The following PHACTR1 variants were observed in gnomAD, a reference collection of about 807,000 sequenced individuals.
PHACTR1 encodes the protein phosphatase and actin regulator 1, also known as RPEL repeat containing 1.
Under a neutral mutation model 69.2 loss-of-function variants are expected in PHACTR1, and 16 were observed. The ratio of observed to expected loss-of-function variants is 0.23; its 90% CI spans 0.16 to 0.35. The LOEUF (loss-of-function observed/expected upper bound fraction) is 0.35, where lower values mean the gene tolerates loss of function less well. PHACTR1 is among the 10% of genes least tolerant of loss of function. PHACTR1 has a pLI of 1.00. For synonymous variants in PHACTR1, 312 were observed against 284.5 expected, an observed-to-expected ratio of 1.10 and a Z score of -0.97; for missense variants, 510 against 734.7, an observed-to-expected ratio of 0.69 and a Z score of 3.54.
At chr6:12,830,182 T>G (rs1777376944) in intron 4 of PHACTR1, among the ~76,000 whole-genome samples, 1 of 141,610 alleles carries the variant, frequency 7.1e-6, no homozygotes, top group African/African-American at 2.7e-5. Context: ...CTGAAGACAC[T>G]CCATGTATTT....
intron 5 of PHACTR1, among the ~76,000 whole-genome samples, chr6:13,077,453 G>T (rs1440148886): frequency 1.3e-5 from 2 of 152,168 alleles, no homozygotes; most frequent in South Asian, 2.1e-4. Flanking sequence ...TAGGGGAGAG[G>T]ATATTCAGAC....
At chr6:13,121,083 G>A (rs1054606307) in intron 5 of PHACTR1, among the ~76,000 whole-genome samples, 1 of 152,216 alleles carries the variant, frequency 6.6e-6, no homozygotes, top group Non-Finnish European at 1.5e-5. Flanking sequence ...ACCATGTGGA[G>A]GGAGTGATGT....
At chr6:12,925,807 C>G (rs965851250) in intron 4 of PHACTR1, among the ~76,000 whole-genome samples, 1 of 152,056 alleles carries the variant, frequency 6.6e-6, no homozygotes, top group Non-Finnish European at 1.5e-5. Context: ...TTCTCTGCTC[C>G]CCCAAAAGCA....
At position 13,133,984 on chromosome 6, in the gene PHACTR1, G is replaced by A. The variant is rs536097823; in HGVS notation, c.416-26220G>A. ...ATGTGAGGAGCGCCTCTGCCCGGCCGCGACTCCGTCTGGGAACTGAAGAGT... is the reference window on the plus strand; with the variant it reads ...ATGTGAGGAGCGCCTCTGCCCGGCCACGACTCCGTCTGGGAACTGAAGAGT... On this transcript the variant is annotated intron_variant, in intron 5 of 14. Transcript: ENST00000332995. 3.3e-5 allele frequency among the ~76,000 whole-genome samples: 5 copies of A among 151,570 alleles called. No homozygotes were observed. The South Asian group carries it at 6.3e-4, about 19-fold the overall frequency.
chr6:12,893,756 CT>C (rs1401939663), intron 4 of PHACTR1, among the ~76,000 whole-genome samples: 6 of 152,228 alleles, frequency 3.9e-5, no homozygotes, highest in African/African-American at 1.4e-4. Context: ...CTACTTCTCC[CT>C]CAGGGACAAG....
At chr6:12,873,276 C>T (rs1261329936) in intron 4 of PHACTR1, among the ~76,000 whole-genome samples, 1 of 152,092 alleles carries the variant, frequency 6.6e-6, no homozygotes, top group Non-Finnish European at 1.5e-5. Context: ...ATTAGCCTCC[C>T]AAAGTGCTGG....
rs999831471 is a variant in PHACTR1 at position 13,283,305 on chromosome 6, C to A, written c.1510-117C>A. The A allele has an allele frequency of 4.8e-6, 4 of 838,842 alleles. No individual in the cohort carries two copies. The highest frequency in any genetic ancestry group is 4.4e-5 in the South Asian group (3 of 68,030). The allele number at this position is 838,842 out of a possible 1,614,324, so 52.0% of individuals were successfully genotyped here. A position where few individuals can be genotyped will look rare whatever the true frequency, so the allele number is the denominator to read the frequency against. Reference sequence around the variant, plus strand: ...CTGCCCCTGCCCCTCACTCACTATGCGATGCATCCATCGCCTCACTGAACC... The same window carrying A: ...CTGCCCCTGCCCCTCACTCACTATGAGATGCATCCATCGCCTCACTGAACC... On this transcript the variant is annotated intron_variant, in intron 12 of 14. Coordinates refer to ENST00000332995, the MANE Select transcript of PHACTR1 (RefSeq NM_030948.6). The surrounding 1 kb of genome is among the most constrained non-coding windows in gnomAD (Gnocchi z 4.7).
In PHACTR1 at chr6:13,283,009, T is replaced by C. The variant is rs992644698; in HGVS notation, c.1510-413T>C. 6.6e-6 allele frequency among the ~76,000 whole-genome samples: 1 copy of C among 152,208 alleles called. No homozygotes were observed. Among genetic ancestry groups the C allele is most frequent in the African/African-American group, 2.4e-5 (1 of 41,450 alleles). The stretch of plus-strand genomic sequence containing the variant: ...TGAAATATACACAGATAAAATGATA[T>C]GATGCCTGTGATTTGTTTCAAAGCA... On this transcript the variant is annotated intron_variant, in intron 12 of 14. Transcript: ENST00000332995. The surrounding 1 kb of genome is among the most constrained non-coding windows in gnomAD (Gnocchi z 4.7).
chr6:13,142,356 G>A (rs534722986), intron 5 of PHACTR1, among the ~76,000 whole-genome samples: 54 of 152,144 alleles, frequency 3.5e-4, no homozygotes, highest in Admixed American at 1.2e-3. Context: ...CACCTGCCTC[G>A]GCCTCCCAAA....
intron 4 of PHACTR1, among the ~76,000 whole-genome samples, chr6:12,801,190 T>C (rs939201779): frequency 6.6e-6 from 1 of 152,214 alleles, no homozygotes; most frequent in African/African-American, 2.4e-5. Context: ...TTGATAATAA[T>C]GTAGAAGGGG....
At chr6:13,262,680 T>C (rs565560469) in intron 10 of PHACTR1, among the ~76,000 whole-genome samples, 1 of 152,282 alleles carries the variant, frequency 6.6e-6, no homozygotes, top group South Asian at 2.1e-4. Context: ...GGGGATAGAA[T>C]TCAGTGCTTC....
chr6:13,286,344 T>A, intron 14 of PHACTR1, 122 bp downstream of exon 14: 2 of 780,772 alleles, frequency 2.6e-6, no homozygotes, highest in Non-Finnish European at 3.9e-6. Context: ...GGGAAGATAG[T>A]AGGAAGGCAG....
At chr6:12,775,846 A>AT (rs1327126210) in intron 4 of PHACTR1, among the ~76,000 whole-genome samples, 1 of 152,202 alleles carries the variant, frequency 6.6e-6, no homozygotes, top group Non-Finnish European at 1.5e-5. Flanking sequence ...ATTTTCATTG[A>AT]TTCTATGGAT....
chr6:12,894,792 A>G (rs986591743), intron 4 of PHACTR1, among the ~76,000 whole-genome samples: 11 of 152,206 alleles, frequency 7.2e-5, no homozygotes, highest in Non-Finnish European at 2.9e-5. Flanking sequence ...CATGAGGAAT[A>G]AAAGCCCAGC....
intron 6 of PHACTR1, among the ~76,000 whole-genome samples, chr6:13,164,614 AG>A (rs1759521755): frequency 6.6e-6 from 1 of 152,220 alleles, no homozygotes; most frequent in Admixed American, 6.5e-5. Flanking sequence ...TGTCTTTAGT[AG>A]GTAGGATTTT....
At chr6:13,223,663 C>G (rs1244164498) in intron 8 of PHACTR1, among the ~76,000 whole-genome samples, 1 of 152,148 alleles carries the variant, frequency 6.6e-6, no homozygotes, top group African/African-American at 2.4e-5. Flanking sequence ...ACAGTAGGTT[C>G]AAATTTCAAG....
At chr6:12,997,730 G>A (rs1326676094) in intron 4 of PHACTR1, among the ~76,000 whole-genome samples, 79 of 152,174 alleles carry the variant, frequency 5.2e-4, no homozygotes, top group Non-Finnish European at 2.9e-5. Context: ...CGAGGTGGGC[G>A]GATCACAAGG....
chr6:13,066,065 G>T (rs4432976), intron 5 of PHACTR1, among the ~76,000 whole-genome samples: 72,777 of 151,916 alleles, frequency 0.48, 19,360 homozygotes, highest in East Asian at 0.83. Context: ...CAGACTTAAT[G>T]GTCCTGTTTT....
intron 7 of PHACTR1, among the ~76,000 whole-genome samples, chr6:13,201,270 C>T (rs1765196611): frequency 6.6e-6 from 1 of 152,162 alleles, no homozygotes; most frequent in African/African-American, 2.4e-5. Context: ...GAAAGGCTGC[C>T]AGAGGAAAGC....
Sources: gnomAD v4.1 joint callset for allele counts (sites outside exome capture counted in the v4.1 genomes callset) on GRCh38, gnomAD v4.1.1 for gene constraint, Gnocchi (gnomAD v3.1) non-coding constraint, MANE v1.5 for transcripts, NCBI Gene and HGNC (gene_info 2026-07-23, HGNC 2026-07-21) for gene names.